Variants in GBF1 observed in about 807,000 individuals in gnomAD.
The protein encoded by GBF1 is Golgi-specific brefeldin A-resistance guanine nucleotide exchange factor 1.
A neutral mutation model predicts 210.5 loss-of-function variants in GBF1; 114 were observed. The ratio of observed to expected loss-of-function variants is 0.54; its 90% CI spans 0.47 to 0.63. The LOEUF (loss-of-function observed/expected upper bound fraction) is 0.63. Ranked by LOEUF, GBF1 falls within the 30% of genes least tolerant of loss-of-function variation. The probability of loss-of-function intolerance (pLI) is 0.00; values close to 1 mark genes in which losing one functional copy is unlikely to be tolerated. For missense variants in GBF1, 1,851 were observed against 2,357.7 expected, an observed-to-expected ratio of 0.79 and a Z score of 4.45; for synonymous variants, 850 against 889.2, an observed-to-expected ratio of 0.96 and a Z score of 0.78.
intron 3 of GBF1, among the ~76,000 whole-genome samples, chr10:102,310,294 T>A (rs1236726788): frequency 6.6e-6 from 1 of 152,234 alleles, no homozygotes; most frequent in Non-Finnish European, 1.5e-5. Flanking sequence ...CAAACTAGCT[T>A]CCTAAGATGA....
chr10:102,254,999 C>CTA (rs2072137102), intron 1 of GBF1, among the ~76,000 whole-genome samples: 1 of 152,096 alleles, frequency 6.6e-6, no homozygotes, highest in Admixed American at 6.6e-5. Flanking sequence ...GGAGATTAGG[C>CTA]AGCTCTGCAT....
rs867102289 is a variant in GBF1 at position 102,366,376 on chromosome 10, C to T, written c.2310-7C>T. ...TTTCAGCCTCTTCTTCCTTTCTTTC[C>T]CTATAGCACCTTCAGTTTTCAGGGT... is the stretch of plus-strand genomic sequence containing the variant. On this transcript the variant is annotated splice_region_variant and splice_polypyrimidine_tract_variant and intron_variant, in intron 18 of 39. Transcript: ENST00000369983. The surrounding 1 kb of genome is among the most constrained non-coding windows in gnomAD (Gnocchi z 4.0). 1 of 1,613,880 alleles carries T rather than the reference C, an allele frequency of 6.2e-7. No homozygotes were observed. Among genetic ancestry groups the T allele is most frequent in the Non-Finnish European group, 8.5e-7 (1 of 1,179,886 alleles).
At chr10:102,360,032 C>T (rs2059505354) in intron 11 of GBF1, 152 bp from the exon 12 acceptor site, 1 of 700,802 alleles carries the variant, frequency 1.4e-6, no homozygotes, top group African/African-American at 1.7e-5. Flanking sequence ...TCCCAAAGCA[C>T]TAGGATTACA....
At chr10:102,338,230 C>CCTT (rs1416899614) in intron 3 of GBF1, among the ~76,000 whole-genome samples, 45 of 147,046 alleles carry the variant, frequency 3.1e-4, no homozygotes, top group Middle Eastern at 3.4e-3. Flanking sequence ...ATTCCAACAA[C>CCTT]CTTCTTCTTT....
chr10:102,236,387 G>A, the GBF1 span, among the ~76,000 whole-genome samples: 2 of 152,244 alleles, frequency 1.3e-5, no homozygotes, highest in African/African-American at 4.8e-5. Context: ...AGCTCTGGAA[G>A]GGGGCTGCCG....
At chr10:102,232,385 A>T in the GBF1 span, among the ~76,000 whole-genome samples, 1 of 152,204 alleles carries the variant, frequency 6.6e-6, no homozygotes, top group Non-Finnish European at 1.5e-5. Context: ...TTGAATTAAT[A>T]AAAATGTAGA....
intron 3 of GBF1, among the ~76,000 whole-genome samples, chr10:102,290,555 A>G (rs913867629): frequency 6.6e-6 from 1 of 151,988 alleles, no homozygotes; most frequent in African/African-American, 2.4e-5. Context: ...CTGGAGTGCA[A>G]TAGTGTGATC....
chr10:102,380,461 C>A, intron 37 of GBF1, 45 bp from the exon 38 acceptor site: 1 of 1,596,352 alleles, frequency 6.3e-7, no homozygotes, highest in South Asian at 1.1e-5. Flanking sequence ...CCATACTCCC[C>A]CCATGCCCTC....
rs146908080 is a variant in GBF1 at position 102,285,128 on chromosome 10, A to G, written c.163+25012A>G. Among the ~76,000 whole-genome samples the G allele has an allele frequency of 1.8e-3, 274 of 152,350 alleles. 1 individual carries two copies. Among genetic ancestry groups the G allele is most frequent in the African/African-American group, 5.9e-3 (246 of 41,578 alleles). ...TACTTTCTTCCAAAATTTCCAATAA[A>G]CAGCGAACACAGATTTTACAGATTT... On this transcript the variant is annotated intron_variant, in intron 3 of 39. Transcript: ENST00000369983.
At chr10:102,282,814 C>T (rs2075618130) in intron 3 of GBF1, among the ~76,000 whole-genome samples, 1 of 152,096 alleles carries the variant, frequency 6.6e-6, no homozygotes, top group Admixed American at 6.5e-5. Context: ...AAATTCCAGT[C>T]TCTAATTGGG....
In GBF1 at chr10:102,260,040, TG is replaced by T; in HGVS notation, c.97-9del. Reference sequence around the variant, plus strand: ...CAATAATGACTTACTTTAATCTATGTGTTCTACAGGATGAAGAACGGGATCC... The same window carrying T: ...CAATAATGACTTACTTTAATCTATGTTTCTACAGGATGAAGAACGGGATCC... On this transcript the variant is annotated splice_polypyrimidine_tract_variant and intron_variant, in intron 2 of 39. Coordinates refer to ENST00000369983, the MANE Select transcript of GBF1 (RefSeq NM_001377137.1). The T allele has an allele frequency of 6.5e-7, 1 of 1,529,824 alleles. No individual in the cohort carries two copies. The highest frequency in any genetic ancestry group is 9.0e-7 in the Non-Finnish European group (1 of 1,105,022). 94.8% of individuals were successfully genotyped at this position (1,529,824 alleles called of 1,614,324 possible).
intron 3 of GBF1, among the ~76,000 whole-genome samples, chr10:102,271,191 C>T (rs1226573613): frequency 6.6e-6 from 1 of 152,070 alleles, no homozygotes; most frequent in South Asian, 2.1e-4. Flanking sequence ...GCGCCCGCCA[C>T]TGCGCCCGGC....
rs41293038 is a variant in GBF1 at position 102,359,351 on chromosome 10, G to A, written c.1096G>A (p.Asp366Asn). The A allele has an allele frequency of 9.1e-5, 146 of 1,612,256 alleles. No individual in the cohort carries two copies. The highest frequency in any genetic ancestry group is 1.2e-4 in the Non-Finnish European group (136 of 1,178,332). The change falls in exon 11 of 40, where the codon GAC becomes AAC. Residue 366 changes from aspartate to asparagine, a missense_variant. Transcript: ENST00000369983. ...GTTAGAGGAGTGCACGTCCCCTGCC[G>A]ACCACTCTGACTCTGCCTCTGTCCA... ...EVLEECTSPA[D>N]HSDSASVHDM...
At chr10:102,312,269 G>A (rs981567844) in intron 3 of GBF1, among the ~76,000 whole-genome samples, 1 of 151,472 alleles carries the variant, frequency 6.6e-6, no homozygotes, top group African/African-American at 2.4e-5. Context: ...CTCCAGCCTG[G>A]GCAACAAGAG....
chr10:102,236,026 G>A, the GBF1 span, among the ~76,000 whole-genome samples: 5 of 152,166 alleles, frequency 3.3e-5, no homozygotes, highest in African/African-American at 9.7e-5. Context: ...GGACCTGACC[G>A]TGAAACTGAA....
chr10:102,259,177 C>A lies in GBF1; in HGVS notation c.96+143C>A, dbSNP rs919226815. On this transcript the variant is annotated intron_variant, in intron 2 of 39. Transcript: ENST00000369983. ...TTCTTGATATCTTGTTTTTTTGTAT[C>A]CCAACTAGCATCAGATATATAGGCT... The A allele has an allele frequency of 2.3e-5, 14 of 600,974 alleles. No homozygotes were observed. The African/African-American group carries it at 2.4e-4, about 10-fold the overall frequency. The allele number at this position is 600,974 out of a possible 1,614,324, so 37.2% of individuals were successfully genotyped here. A position where few individuals can be genotyped will look rare whatever the true frequency, so the allele number is the denominator to read the frequency against.
chr10:102,360,225 C>T lies in GBF1; in HGVS notation c.1222C>T (p.Leu408Phe), dbSNP rs1354442375. ...VPYGLPCIRELFRFLISLTNP... is the reference protein window; with the variant it reads ...VPYGLPCIREFFRFLISLTNP... Reference sequence around the variant, plus strand: ...CTATGGTCTTCCCTGCATCCGCGAGCTCTTCCGCTTCCTCATCTCCCTCAC... The same window carrying T: ...CTATGGTCTTCCCTGCATCCGCGAGTTCTTCCGCTTCCTCATCTCCCTCAC... The change falls in exon 12 of 40, where the codon CTC becomes TTC. Residue 408 changes from leucine to phenylalanine, a missense_variant. By Grantham distance (22) the Leu-to-Phe change is conservative (BLOSUM62 0). This residue lies in a region of GBF1 where 804 missense variants were observed against 958.6 expected (regional missense o/e 0.84). Transcript: ENST00000369983. 6.2e-7 allele frequency: 1 copy of T among 1,614,028 alleles called. No individual in the cohort carries two copies. Among genetic ancestry groups the T allele is most frequent in the Non-Finnish European group, 8.5e-7 (1 of 1,179,878 alleles).
rs768189250 is a variant in GBF1, at chr10:102,367,065, C to G, written c.2434-20C>G. 6.2e-7 allele frequency: 1 copy of G among 1,613,076 alleles called. No homozygotes were observed. The highest frequency in any genetic ancestry group is 1.1e-5 in the South Asian group (1 of 90,900). On this transcript the variant is annotated intron_variant, in intron 19 of 39. Transcript: ENST00000369983. ...GGCCAGAGAAGGGCATTGACACAGG[C>G]GGGATCTTTGCTTTTTCAGAATTGT...
At chr10:102,290,785 G>A (rs1016212477) in intron 3 of GBF1, among the ~76,000 whole-genome samples, 3 of 152,304 alleles carry the variant, frequency 2.0e-5, no homozygotes, top group African/African-American at 2.4e-5. Flanking sequence ...GATTACAGGC[G>A]TGAGCCACCA....
Sources: allele counts gnomAD v4.1 joint callset (sites outside exome capture counted in the v4.1 genomes callset), GRCh38; gene constraint gnomAD v4.1.1; regional missense constraint gnomAD v4.1.1; non-coding constraint Gnocchi (gnomAD v3.1); transcripts MANE v1.5; gene names NCBI Gene and HGNC (gene_info 2026-07-23, HGNC 2026-07-21).